BCKDHB: variants seen among roughly 807,000 people sequenced by gnomAD.
The protein encoded by BCKDHB is branched chain keto acid dehydrogenase E1 subunit beta.
A neutral mutation model predicts 48.5 loss-of-function variants in BCKDHB; 41 were observed. That is an observed-to-expected ratio of 0.85 (90% CI 0.66 to 1.10). BCKDHB has a LOEUF of 1.10. BCKDHB is among the 50% of genes least tolerant of loss of function. The pLI is 0.00. For missense variants in BCKDHB, 496 were observed against 494.2 expected, an observed-to-expected ratio of 1.00 and a Z score of -0.03; for synonymous variants, 201 against 174.8, an observed-to-expected ratio of 1.15 and a Z score of -1.18.
chr6:80,440,324 A>G, the BCKDHB span, among the ~76,000 whole-genome samples: 1 of 152,236 alleles, frequency 6.6e-6, no homozygotes, highest in South Asian at 2.1e-4. Flanking sequence ...AGGAGCAGGT[A>G]GTTTATGACT....
chr6:80,112,818 C>T (rs1209330958), intron 1 of BCKDHB, among the ~76,000 whole-genome samples: 1 of 152,224 alleles, frequency 6.6e-6, no homozygotes, highest in Non-Finnish European at 1.5e-5. Context: ...CTTAGTTAGG[C>T]ATGGGTGCTG....
chr6:80,409,325 C>T, the BCKDHB span, among the ~76,000 whole-genome samples: 76 of 151,556 alleles, frequency 5.0e-4, no homozygotes, highest in African/African-American at 1.7e-3. Flanking sequence ...AGAATAAGTT[C>T]GATGAGGTGC....
chr6:80,106,716 C>T lies in BCKDHB; in HGVS notation c.23C>T (p.Ala8Val), dbSNP rs764784083. Residue 8 changes from alanine to valine, a missense_variant, in exon 1 of 10, where the codon GCC (alanine) becomes GTC (valine). Ala to Val is a moderately conservative substitution (Grantham distance 64, BLOSUM62 0). Transcript: ENST00000320393. Reference sequence around the variant, plus strand: ...GGGATGGCGGTTGTAGCGGCGGCTGCCGGCTGGCTACTCAGGCTCAGGGCG... The same window carrying T: ...GGGATGGCGGTTGTAGCGGCGGCTGTCGGCTGGCTACTCAGGCTCAGGGCG... MAVVAAAAGWLLRLRAAG... is the reference protein window; with the variant it reads MAVVAAAVGWLLRLRAAG... The T allele has an allele frequency of 6.4e-7, 1 of 1,552,120 alleles. No homozygotes were observed. The highest frequency in any genetic ancestry group is 1.2e-5 in the South Asian group (1 of 84,684).
chr6:80,409,613 TA>T, the BCKDHB span, among the ~76,000 whole-genome samples: 2 of 92,202 alleles, frequency 2.2e-5, no homozygotes, highest in Non-Finnish European at 4.0e-5. Context: ...TATATATATA[TA>T]TATATATATA....
the BCKDHB span, among the ~76,000 whole-genome samples, chr6:80,360,106 G>A: frequency 1.3e-5 from 2 of 152,226 alleles, no homozygotes; most frequent in Non-Finnish European, 2.9e-5. Context: ...TGGGGAGGAG[G>A]CTCACATCTA....
chr6:80,230,495 G>T (rs1272204144), intron 8 of BCKDHB, among the ~76,000 whole-genome samples: 1 of 152,134 alleles, frequency 6.6e-6, no homozygotes, highest in Non-Finnish European at 1.5e-5. Context: ...TTTGACATAT[G>T]GAACAGGGGG....
intron 9 of BCKDHB, among the ~76,000 whole-genome samples, chr6:80,291,666 T>TC (rs1352568992): frequency 6.6e-6 from 1 of 152,180 alleles, no homozygotes; most frequent in Non-Finnish European, 1.5e-5. Context: ...TGTTTTTTTT[T>TC]CTGAGTAGCA....
At chr6:80,282,943 T>G (rs1183133275) in intron 9 of BCKDHB, among the ~76,000 whole-genome samples, 1 of 152,166 alleles carries the variant, frequency 6.6e-6, no homozygotes, top group African/African-American at 2.4e-5. Flanking sequence ...GATTTCATAT[T>G]ACTTATTTTG....
intron 9 of BCKDHB, among the ~76,000 whole-genome samples, chr6:80,315,334 T>C (rs1768385479): frequency 1.3e-5 from 2 of 152,082 alleles, no homozygotes; most frequent in Admixed American, 1.3e-4. Flanking sequence ...ATCCGTGGTT[T>C]CTTAGGGTTG....
chr6:80,259,752 C>T (rs1777214044), intron 8 of BCKDHB, among the ~76,000 whole-genome samples: 1 of 152,112 alleles, frequency 6.6e-6, no homozygotes, highest in African/African-American at 2.4e-5. Context: ...TTCAAAAACA[C>T]CAATTTATAT....
chr6:80,382,069 A>G, the BCKDHB span, among the ~76,000 whole-genome samples: 4 of 152,172 alleles, frequency 2.6e-5, no homozygotes, highest in South Asian at 8.3e-4. Flanking sequence ...TAATGATGAC[A>G]TATTCTGGGA....
the BCKDHB span, among the ~76,000 whole-genome samples, chr6:80,366,354 C>G: frequency 6.6e-6 from 1 of 152,090 alleles, no homozygotes; most frequent in Non-Finnish European, 1.5e-5. Flanking sequence ...TATGCCACAA[C>G]TATAACTGGA....
chr6:80,262,598 T>G (rs1261266885), intron 8 of BCKDHB, among the ~76,000 whole-genome samples: 1 of 152,196 alleles, frequency 6.6e-6, no homozygotes, highest in Non-Finnish European at 1.5e-5. Flanking sequence ...TTGTCAGAAT[T>G]TAAATTTAAA....
At chr6:80,298,606 A>G (rs1374909221) in intron 9 of BCKDHB, among the ~76,000 whole-genome samples, 1 of 152,248 alleles carries the variant, frequency 6.6e-6, no homozygotes, top group Non-Finnish European at 1.5e-5. Flanking sequence ...CCAGGCCACC[A>G]TTGTGATGAT....
intron 8 of BCKDHB, among the ~76,000 whole-genome samples, chr6:80,246,506 G>T (rs1270754104): frequency 6.6e-6 from 1 of 152,156 alleles, no homozygotes; most frequent in African/African-American, 2.4e-5. Context: ...TCCTGCCATT[G>T]CTACTACAAA....
At chr6:80,430,721 T>G in the BCKDHB span, among the ~76,000 whole-genome samples, 1 of 152,154 alleles carries the variant, frequency 6.6e-6, no homozygotes, top group African/African-American at 2.4e-5. Context: ...TTCTTCTTTA[T>G]GAGTCTCGCT....
At chr6:80,419,119 G>C in the BCKDHB span, among the ~76,000 whole-genome samples, 1 of 152,194 alleles carries the variant, frequency 6.6e-6, no homozygotes, top group South Asian at 2.1e-4. Flanking sequence ...AGATCATTTG[G>C]GGGAGGTGGG....
chr6:80,309,436 G>A (rs1361750622), intron 9 of BCKDHB, among the ~76,000 whole-genome samples: 1 of 152,078 alleles, frequency 6.6e-6, no homozygotes, highest in Non-Finnish European at 1.5e-5. Context: ...TACTTTTTCT[G>A]TCTCATACTT....
At chr6:80,406,411 G>A in the BCKDHB span, among the ~76,000 whole-genome samples, 1 of 152,172 alleles carries the variant, frequency 6.6e-6, no homozygotes, top group South Asian at 2.1e-4. Flanking sequence ...TCTAGTTCTA[G>A]ATCCTTGAGG....
Sources: allele counts gnomAD v4.1 joint callset (sites outside exome capture counted in the v4.1 genomes callset), GRCh38; gene constraint gnomAD v4.1.1; transcripts MANE v1.5; gene names NCBI Gene and HGNC (gene_info 2026-07-23, HGNC 2026-07-21).